CNTNAP2: variants seen among roughly 807,000 people sequenced by gnomAD.
The protein encoded by CNTNAP2 is contactin associated protein 2.
A neutral mutation model predicts 155.2 loss-of-function variants in CNTNAP2; 98 were observed. That is an observed-to-expected ratio of 0.63 (90% confidence interval 0.54 to 0.75). The LOEUF is 0.75. Ranked by LOEUF, CNTNAP2 falls within the 30% of genes least tolerant of loss-of-function variation. CNTNAP2 has a pLI of 0.00. For synonymous variants in CNTNAP2, 651 were observed against 631.2 expected (o/e 1.03, Z -0.47); for missense variants, 1,727 against 1,688.1 (o/e 1.02, Z -0.40).
chr7:146,522,006 A>G (rs1272632448), intron 1 of CNTNAP2, among the ~76,000 whole-genome samples: 1 of 152,046 alleles, frequency 6.6e-6, no homozygotes, highest in Non-Finnish European at 1.5e-5. Flanking sequence ...TGCAATTCTC[A>G]GTCATTTTGC....
intron 13 of CNTNAP2, among the ~76,000 whole-genome samples, chr7:147,724,942 C>T (rs1331454970): frequency 6.6e-6 from 1 of 151,920 alleles, no homozygotes; most frequent in Non-Finnish European, 1.5e-5. Context: ...TTGCTTGTTT[C>T]ACAAGCAACC....
chr7:147,947,038 G>A (rs148693518), intron 14 of CNTNAP2, among the ~76,000 whole-genome samples: 9 of 152,156 alleles, frequency 5.9e-5, no homozygotes, highest in East Asian at 1.9e-4. Flanking sequence ...CCCAAAGCAC[G>A]GTGGTCTGGG....
At chr7:148,234,507 GTCC>G (rs1211349447) in intron 20 of CNTNAP2, among the ~76,000 whole-genome samples, 1 of 152,100 alleles carries the variant, frequency 6.6e-6, no homozygotes, top group Non-Finnish European at 1.5e-5. Flanking sequence ...AGAGTCTGTT[GTCC>G]TCCTGGTTAC....
chr7:147,800,261 G>T (rs1158742172), intron 13 of CNTNAP2, among the ~76,000 whole-genome samples: 1 of 152,028 alleles, frequency 6.6e-6, no homozygotes, highest in African/African-American at 2.4e-5. Context: ...TTTGATTTGG[G>T]GATCCCTCCC....
chr7:147,248,580 G>T (rs1238450407), intron 8 of CNTNAP2, among the ~76,000 whole-genome samples: 1 of 152,178 alleles, frequency 6.6e-6, no homozygotes, highest in Non-Finnish European at 1.5e-5. Context: ...TCCCTTATGG[G>T]GCCGGTGGCT....
rs537024429 is a variant in CNTNAP2, at chr7:147,893,232, T to C, written c.2099-10333T>C. Among the ~76,000 whole-genome samples, 8 of 152,378 alleles carry C rather than the reference T, an allele frequency of 5.3e-5. No individual in the cohort carries two copies. In the South Asian group the frequency reaches 1.4e-3, roughly 28 times the overall value. On this transcript the variant is annotated intron_variant, in intron 13 of 23. Transcript: ENST00000361727. ...GAATGCCAATACATGATTTTTTATT[T>C]TATTTTTAAAGTTCTTAATTTAAAT...
intron 2 of CNTNAP2, among the ~76,000 whole-genome samples, chr7:146,809,827 T>G (rs1217117529): frequency 6.6e-6 from 1 of 152,202 alleles, no homozygotes; most frequent in African/African-American, 2.4e-5. Flanking sequence ...ATTGTTTCCT[T>G]TGCTGTACAG....
intron 3 of CNTNAP2, among the ~76,000 whole-genome samples, chr7:146,977,823 G>T (rs1797941407): frequency 6.6e-6 from 1 of 152,122 alleles, no homozygotes; most frequent in African/African-American, 2.4e-5. Flanking sequence ...ATCTTCAAAA[G>T]CTCAAATGAG....
intron 9 of CNTNAP2, among the ~76,000 whole-genome samples, chr7:147,377,653 A>C (rs1461840372): frequency 6.6e-6 from 1 of 151,616 alleles, no homozygotes; most frequent in Non-Finnish European, 1.5e-5. Flanking sequence ...AAAATATCTT[A>C]ATTTTACCAT....
At chr7:147,327,282 A>T (rs1171260688) in intron 9 of CNTNAP2, among the ~76,000 whole-genome samples, 1 of 152,202 alleles carries the variant, frequency 6.6e-6, no homozygotes, top group East Asian at 1.9e-4. Context: ...ATGTCCATTG[A>T]AGAGCCTCCA....
At chr7:146,834,014 A>C (rs1000058506) in intron 2 of CNTNAP2, among the ~76,000 whole-genome samples, 6 of 151,916 alleles carry the variant, frequency 3.9e-5, no homozygotes, top group Admixed American at 6.6e-5. Context: ...TCTCCTTTTC[A>C]ATTTATTTTT....
chr7:148,004,524 GC>G (rs1288407544), intron 15 of CNTNAP2, among the ~76,000 whole-genome samples: 12 of 152,228 alleles, frequency 7.9e-5, no homozygotes, highest in Non-Finnish European at 1.5e-4. Context: ...AATATGAGAA[GC>G]TTTGTTCATT....
At chr7:146,823,172 C>T (rs965536486) in intron 2 of CNTNAP2, among the ~76,000 whole-genome samples, 2 of 135,208 alleles carry the variant, frequency 1.5e-5, no homozygotes, top group African/African-American at 5.5e-5. Context: ...CATTCTTCAG[C>T]ATATTTACAT....
At chr7:147,739,506 A>G (rs1371442518) in intron 13 of CNTNAP2, among the ~76,000 whole-genome samples, 1 of 152,150 alleles carries the variant, frequency 6.6e-6, no homozygotes, top group African/African-American at 2.4e-5. Context: ...TCTTGGCCCT[A>G]TCAGCCTTGA....
intron 3 of CNTNAP2, among the ~76,000 whole-genome samples, chr7:147,027,208 AAAC>A (rs1162514725): frequency 1.3e-5 from 2 of 152,172 alleles, no homozygotes; most frequent in African/African-American, 4.8e-5. Flanking sequence ...TCAGCTTAGA[AAAC>A]AAATAAAATT....
chr7:147,569,276 G>A (rs1056515817), intron 12 of CNTNAP2, among the ~76,000 whole-genome samples: 26 of 152,178 alleles, frequency 1.7e-4, no homozygotes, highest in Non-Finnish European at 4.4e-5. Context: ...AGTTTTACAA[G>A]TACAGTGTGG....
At chr7:148,109,282 C>T (rs1302203623) in intron 15 of CNTNAP2, among the ~76,000 whole-genome samples, 2 of 152,154 alleles carry the variant, frequency 1.3e-5, no homozygotes, top group Non-Finnish European at 2.9e-5. Flanking sequence ...TGTTCCTGGA[C>T]CAAATAGGGT....
intron 1 of CNTNAP2, among the ~76,000 whole-genome samples, chr7:146,343,240 G>A (rs2129096962): frequency 6.6e-6 from 1 of 152,244 alleles, no homozygotes; most frequent in Non-Finnish European, 1.5e-5. Flanking sequence ...TTTGGTAGAT[G>A]TTAGCATTTG....
rs1430764221 is a variant in CNTNAP2 at position 148,408,666 on chromosome 7, TG to T, written c.3716-724del. 2.0e-5 allele frequency among the ~76,000 whole-genome samples: 3 copies of T among 152,224 alleles called. No homozygotes were observed. In the East Asian group the frequency reaches 5.8e-4, roughly 29 times the overall value. ...TTCTCCAACAGAAGACCAACAAATG[TG>T]AATTGTTTCTGAAGTTGGATTAGGT... On this transcript the variant is annotated intron_variant, in intron 22 of 23. Coordinates refer to ENST00000361727, the MANE Select transcript of CNTNAP2 (RefSeq NM_014141.6).
Sources: gnomAD v4.1 joint callset for allele counts (sites outside exome capture counted in the v4.1 genomes callset) on GRCh38, gnomAD v4.1.1 for gene constraint, MANE v1.5 for transcripts, NCBI Gene and HGNC (gene_info 2026-07-23, HGNC 2026-07-21) for gene names.